Variants in EP300 observed in about 807,000 individuals in gnomAD.
EP300 encodes histone acetyltransferase p300.
Under a neutral mutation model 264.0 loss-of-function variants are expected in EP300, and 31 were observed. That is an observed-to-expected ratio of 0.12 (90% CI 0.09 to 0.16). EP300 has a LOEUF of 0.16. Ranked by LOEUF, EP300 falls within the 10% of genes least tolerant of loss-of-function variation. The pLI is 1.00. For synonymous variants in EP300, 1,340 were observed against 1,045.4 expected (o/e 1.28, Z -5.44); for missense variants, 2,766 against 3,052.9 (o/e 0.91, Z 2.21).
intron 23 of EP300, among the ~76,000 whole-genome samples, chr22:41,167,862 C>T (rs1326931279): frequency 1.0e-5 from 1 of 96,286 alleles, no homozygotes; most frequent in Non-Finnish European, 1.8e-5. Context: ...GAGACAGAGT[C>T]TCGCTGTCGC....
In EP300 at chr22:41,158,397, T is replaced by C. The variant is rs1322683199; in HGVS notation, c.3502-15T>C. The stretch of plus-strand genomic sequence containing the variant: ...TAAGGCCTCTGTGCTTTTTAACAAA[T>C]GGTTTCTTTTGCAGTTGGAGTTCTC... On this transcript the variant is annotated splice_polypyrimidine_tract_variant and intron_variant, in intron 18 of 30. Coordinates refer to ENST00000263253, the MANE Select transcript of EP300 (RefSeq NM_001429.4). 8.7e-6 allele frequency: 14 copies of C among 1,612,980 alleles called. No homozygotes were observed. In the East Asian group the frequency reaches 1.3e-4, roughly 15 times the overall value.
intron 17 of EP300, among the ~76,000 whole-genome samples, chr22:41,156,852 A>G (rs1483019993): frequency 6.6e-6 from 1 of 152,146 alleles, no homozygotes; most frequent in Non-Finnish European, 1.5e-5. Context: ...CACCCCTTCT[A>G]GTACTAAAAT....
chr22:41,111,278 A>G (rs1234439296), intron 1 of EP300, among the ~76,000 whole-genome samples: 1 of 152,152 alleles, frequency 6.6e-6, no homozygotes, highest in Non-Finnish European at 1.5e-5. Flanking sequence ...GCCCGGCTCT[A>G]CATTATTTAA....
chr22:41,166,860 A>G (rs973662074), intron 23 of EP300, among the ~76,000 whole-genome samples, 194 bp downstream of exon 23: 6 of 152,240 alleles, frequency 3.9e-5, no homozygotes, highest in African/African-American at 7.2e-5. Context: ...AAAATTTCCA[A>G]GGAACGGATT....
chr22:41,099,651 A>G (rs2058720509), intron 1 of EP300, among the ~76,000 whole-genome samples: 1 of 152,168 alleles, frequency 6.6e-6, no homozygotes, highest in Admixed American at 6.5e-5. Context: ...TTCCTTATTA[A>G]GTCAAGAACT....
chr22:41,173,581 A>C (rs2059183078), intron 28 of EP300, 42 bp from the exon 29 acceptor site: 1 of 1,610,244 alleles, frequency 6.2e-7, no homozygotes, highest in South Asian at 1.1e-5. Context: ...AAATTACTTA[A>C]CAAAAACCTT....
In EP300 at chr22:41,125,983, C is replaced by T. The variant is rs753454033; in HGVS notation, c.849C>T (p.Asn283=). 15 of 1,614,070 alleles carry T rather than the reference C, an allele frequency of 9.3e-6. No homozygotes were observed. The South Asian group carries it at 1.2e-4, about 13-fold the overall frequency. The change falls in exon 3 of 31, where the codon AAC becomes AAT. Residue 283 remains asparagine, a synonymous_variant. Coordinates refer to ENST00000263253, the MANE Select transcript of EP300 (RefSeq NM_001429.4). The part of the protein sequence containing the change: ...QIQTKTVLSN[N]LSPFAMDKKA... ...AGACAAAAACTGTACTATCAAATAA[C>T]TTATCTCCATTTGCTATGGACAAAA... is the stretch of plus-strand genomic sequence containing the variant.
At position 41,140,297 on chromosome 22, in the gene EP300, A is replaced by G. The variant is rs2145725088; in HGVS notation, c.1878+40A>G. Reference sequence around the variant, plus strand: ...TTTTTCTATTAATAGCCAAGATTGAACCTGTTGTGGTTATTTTATTCCTCT... The same window carrying G: ...TTTTTCTATTAATAGCCAAGATTGAGCCTGTTGTGGTTATTTTATTCCTCT... On this transcript the variant is annotated intron_variant, in intron 9 of 30. Coordinates refer to ENST00000263253, the MANE Select transcript of EP300 (RefSeq NM_001429.4). 5 of 1,336,454 alleles carry G rather than the reference A, an allele frequency of 3.7e-6. No homozygotes were observed. In the South Asian group the frequency reaches 4.7e-5, roughly 13 times the overall value. 82.8% of individuals were successfully genotyped at this position (1,336,454 alleles called of 1,614,324 possible).
In EP300 at chr22:41,127,708, A is replaced by G. The variant is rs2058891058; in HGVS notation, c.1128A>G (p.Leu376=). The G allele has an allele frequency of 1.9e-6, 3 of 1,614,108 alleles. No individual in the cohort carries two copies. Among genetic ancestry groups the G allele is most frequent in the South Asian group, 1.1e-5 (1 of 91,092 alleles). ...ACTGTCGCACAATGAAGAATGTCCT[A>G]AACCACATGACACACTGCCAGTCAG... The part of the protein sequence containing the change: ...LPHCRTMKNV[L]NHMTHCQSGK... Residue 376 remains leucine, a synonymous_variant, in exon 4 of 31, where the codon CTA becomes CTG. Coordinates refer to ENST00000263253, the MANE Select transcript of EP300 (RefSeq NM_001429.4).
intron 27 of EP300, among the ~76,000 whole-genome samples, chr22:41,171,539 G>C (rs1028838276): frequency 4.6e-5 from 7 of 151,968 alleles, no homozygotes; most frequent in African/African-American, 1.7e-4. Flanking sequence ...ATGTCACCAT[G>C]TTGCCCAGGC....
chr22:41,168,555 T>C lies in EP300; in HGVS notation c.3981T>C (p.His1327=), dbSNP rs1382628421. The part of the protein sequence containing the change: ...ESGEVTVRVV[H]ASDKTVEVKP... Reference sequence around the variant, plus strand: ...GAGAGGTCACTGTTAGAGTAGTTCATGCTTCTGACAAAACCGTGGAAGTAA... The same window carrying C: ...GAGAGGTCACTGTTAGAGTAGTTCACGCTTCTGACAAAACCGTGGAAGTAA... Residue 1327 remains histidine (H), a synonymous_variant, in exon 24 of 31, where the codon CAT becomes CAC. Coordinates refer to ENST00000263253, the MANE Select transcript of EP300 (RefSeq NM_001429.4). 6.2e-7 allele frequency: 1 copy of C among 1,614,224 alleles called. No homozygotes were observed. Among genetic ancestry groups the C allele is most frequent in the Non-Finnish European group, 8.5e-7 (1 of 1,180,022 alleles).
chr22:41,178,375 C>G lies in EP300; in HGVS notation c.6664C>G (p.Gln2222Glu). The change falls in exon 31 of 31, where the codon CAG (glutamine) becomes GAG (glutamate). Residue 2222 changes from glutamine (Q) to glutamate (E), a missense_variant. Gln to Glu is a conservative substitution (Grantham distance 29, BLOSUM62 2). Transcript: ENST00000263253. ...ACCCCAAGGAGTTGGCTACCCACCA[C>G]AGCAGCAGCAGCGGATGCAGCATCA... Reference protein sequence around the residue: ...QQPQGVGYPPQQQQRMQHHMQ... With the variant: ...QQPQGVGYPPEQQQRMQHHMQ... 2 of 1,613,574 alleles carry G rather than the reference C, an allele frequency of 1.2e-6. No individual in the cohort carries two copies. The highest frequency in any genetic ancestry group is 1.7e-6 in the Non-Finnish European group (2 of 1,179,550).
chr22:41,106,397 A>C (rs973916739), intron 1 of EP300, among the ~76,000 whole-genome samples: 1 of 152,098 alleles, frequency 6.6e-6, no homozygotes, highest in Non-Finnish European at 1.5e-5. Flanking sequence ...AAAAATTCCA[A>C]ATCTCTAACC....
At chr22:41,101,907 A>G (rs2058733851) in intron 1 of EP300, among the ~76,000 whole-genome samples, 1 of 152,050 alleles carries the variant, frequency 6.6e-6, no homozygotes, top group African/African-American at 2.4e-5. Context: ...TTTTTACAAC[A>G]CTTAAGGAAG....
intron 20 of EP300, among the ~76,000 whole-genome samples, 197 bp downstream of exon 20, chr22:41,160,919 A>G (rs1015482786): frequency 6.6e-6 from 1 of 152,228 alleles, no homozygotes; most frequent in Non-Finnish European, 1.5e-5. Flanking sequence ...TTCAGTAGCT[A>G]TCTGTGTCTG....
chr22:41,173,556 T>G, intron 28 of EP300, 67 bp from the exon 29 acceptor site: 14 of 1,517,300 alleles, frequency 9.2e-6, no homozygotes, highest in Non-Finnish European at 1.3e-5. Flanking sequence ...AAGGGAGATA[T>G]TCTGTGCTAT....
chr22:41,100,714 T>G (rs1029351773), intron 1 of EP300, among the ~76,000 whole-genome samples: 7 of 152,146 alleles, frequency 4.6e-5, no homozygotes, highest in Non-Finnish European at 7.4e-5. Flanking sequence ...TGGGTGGGTG[T>G]GTGTAGGTTA....
chr22:41,134,920 C>G (rs1295027108), intron 6 of EP300, among the ~76,000 whole-genome samples: 1 of 136,710 alleles, frequency 7.3e-6, no homozygotes, highest in Non-Finnish European at 1.5e-5. Flanking sequence ...CTTTCTTTTT[C>G]TTTTTGAGAC....
intron 4 of EP300, among the ~76,000 whole-genome samples, chr22:41,129,075 A>G (rs564656877): frequency 6.6e-6 from 1 of 151,760 alleles, no homozygotes; most frequent in Admixed American, 6.6e-5. Flanking sequence ...CAGTGGTGTG[A>G]TCTCAGCTCA....
Sources: allele counts gnomAD v4.1 joint callset (sites outside exome capture counted in the v4.1 genomes callset), GRCh38; gene constraint gnomAD v4.1.1; transcripts MANE v1.5; gene names NCBI Gene and HGNC (gene_info 2026-07-23, HGNC 2026-07-21).